The following PDPR variants were observed in gnomAD, a reference collection of about 807,000 sequenced individuals.
PDPR encodes pyruvate dehydrogenase phosphatase regulatory subunit, mitochondrial.
PDPR carries 50 observed loss-of-function variants against 102.2 expected under a neutral mutation model. The observed-to-expected ratio is 0.49, with a 90% CI of 0.39 to 0.62. PDPR has a LOEUF of 0.62. Among genes scored for constraint, PDPR ranks in the 20% least tolerant of loss-of-function variants. The pLI is 0.00. For missense variants in PDPR, 625 were observed against 1,098.2 expected, an observed-to-expected ratio of 0.57 and a Z score of 6.09; for synonymous variants, 259 against 406.0, an observed-to-expected ratio of 0.64 and a Z score of 4.35.
chr16:70,135,424 A>G (rs755279511), intron 9 of PDPR, among the ~76,000 whole-genome samples: 43 of 152,336 alleles, frequency 2.8e-4, no homozygotes, highest in South Asian at 6.2e-4. Context: ...TTTAGTAGAG[A>G]CGAGGCTTCG....
rs372331091 is a variant in PDPR, at chr16:70,142,628, G to A, written c.1547G>A (p.Cys516Tyr). 1.2e-4 allele frequency: 194 copies of A among 1,613,852 alleles called. No homozygotes were observed. Among genetic ancestry groups the A allele is most frequent in the Non-Finnish European group, 1.6e-4 (184 of 1,179,810 alleles). The stretch of plus-strand genomic sequence containing the variant: ...GACATCGTGGAGTCTGAAGTCAAGT[G>A]CTGTAAGGAAGCTGTGTGTGTCATT... ...WFDIVESEVK[C>Y]CKEAVCVIDM... Residue 516 changes from cysteine to tyrosine, a missense_variant, in exon 13 of 19, where the codon TGC becomes TAC. Around this residue, in one of 11 missense-constraint regions of PDPR, gnomAD observed 28 missense variants for 141.2 expected, o/e 0.20. Coordinates refer to ENST00000288050, the MANE Select transcript of PDPR (RefSeq NM_017990.5).
intron 18 of PDPR, 101 bp downstream of exon 18, chr16:70,153,674 G>C (rs1157806645): frequency 3.1e-6 from 4 of 1,272,458 alleles, no homozygotes; most frequent in Non-Finnish European, 4.3e-6. Flanking sequence ...AGGGGGAAAA[G>C]ATTGAGGCCT....
intron 17 of PDPR, 40 bp downstream of exon 17, chr16:70,148,593 TTCCCTTCC>T (rs1405515791): frequency 6.2e-5 from 15 of 242,408 alleles, no homozygotes; most frequent in Non-Finnish European, 8.1e-5. Context: ...TTCACTTCCC[TTCCCTTCC>T]CTTCCCTTCC....
chr16:70,136,986 AC>A (rs1414844920), intron 10 of PDPR, among the ~76,000 whole-genome samples: 2 of 152,152 alleles, frequency 1.3e-5, no homozygotes, highest in Admixed American at 1.3e-4. Context: ...CAAGTGATCC[AC>A]CCACCTTGGC....
At chr16:70,138,342 C>A (rs545628239) in intron 10 of PDPR, among the ~76,000 whole-genome samples, 1 of 152,086 alleles carries the variant, frequency 6.6e-6, no homozygotes, top group East Asian at 1.9e-4. Flanking sequence ...CCTCAGCCTC[C>A]GTAGTAGCTG....
intron 17 of PDPR, among the ~76,000 whole-genome samples, chr16:70,149,639 C>G (rs1014756978): frequency 6.6e-6 from 1 of 152,228 alleles, no homozygotes; most frequent in South Asian, 2.1e-4. Context: ...TTCTTTTTTT[C>G]TTTATTTTTT....
At chr16:70,153,812 A>T (rs905795492) in intron 18 of PDPR, among the ~76,000 whole-genome samples, 2 of 152,296 alleles carry the variant, frequency 1.3e-5, no homozygotes, top group African/African-American at 4.8e-5. Flanking sequence ...TGGGAGGCTG[A>T]GGCGGGTGGA....
intron 10 of PDPR, among the ~76,000 whole-genome samples, chr16:70,137,668 A>C (rs926713531): frequency 1.3e-5 from 2 of 152,276 alleles, no homozygotes; most frequent in Admixed American, 1.3e-4. Context: ...CCACGATGAA[A>C]AGTTTATTTT....
In PDPR at chr16:70,127,410, C is replaced by A. The variant is rs762921874; in HGVS notation, c.361+17C>A. ...TCCAAACAGGTAAGCAAGTGTCTTC[C>A]ATTTATTGCTTTGCCTGTCCCTGAG... On this transcript the variant is annotated intron_variant, in intron 4 of 18. Coordinates refer to ENST00000288050, the MANE Select transcript of PDPR (RefSeq NM_017990.5). 6.2e-7 allele frequency: 1 copy of A among 1,603,106 alleles called. No homozygotes were observed. The highest frequency in any genetic ancestry group is 1.1e-5 in the South Asian group (1 of 89,886).
At chr16:70,122,112 G>C (rs1009961273) in intron 3 of PDPR, among the ~76,000 whole-genome samples, 17 of 152,306 alleles carry the variant, frequency 1.1e-4, no homozygotes, top group African/African-American at 3.8e-4. Context: ...TCAGCCTCCC[G>C]AGTTGCTGGG....
At chr16:70,140,165 G>T (rs1163677620) in intron 11 of PDPR, among the ~76,000 whole-genome samples, 1 of 152,226 alleles carries the variant, frequency 6.6e-6, no homozygotes, top group Non-Finnish European at 1.5e-5. Context: ...GCGAAACCCT[G>T]TCTCTACTAA....
At chr16:70,149,588 G>A (rs1966539587) in intron 17 of PDPR, among the ~76,000 whole-genome samples, 1 of 152,210 alleles carries the variant, frequency 6.6e-6, no homozygotes, top group Non-Finnish European at 1.5e-5. Context: ...TTCTCTTAGA[G>A]CTCTTTCTTT....
intron 10 of PDPR, among the ~76,000 whole-genome samples, chr16:70,138,697 T>TA (rs1193848328): frequency 6.6e-6 from 1 of 152,246 alleles, no homozygotes; most frequent in Non-Finnish European, 1.5e-5. Context: ...TCATCTGGGG[T>TA]AAAATCCTCA....
rs1390906376 is a variant in PDPR, at chr16:70,158,641, C to G, written c.*1762C>G. ...GTTTGGGGGTCTAGTTGTCTTGGAG[C>G]AAGTATGTACTTAACTAGCCGAGAG... On this transcript the variant is annotated 3_prime_UTR_variant, in exon 19 of 19. Coordinates refer to ENST00000288050, the MANE Select transcript of PDPR (RefSeq NM_017990.5). 6.6e-6 allele frequency: 1 copy of G among 152,566 alleles called. No homozygotes were observed. Among genetic ancestry groups the G allele is most frequent in the Non-Finnish European group, 1.5e-5 (1 of 68,286 alleles). 9.5% of individuals were successfully genotyped at this position (152,566 alleles called of 1,614,324 possible).
At chr16:70,128,143 C>A (rs1309787945) in intron 4 of PDPR, among the ~76,000 whole-genome samples, 1 of 152,214 alleles carries the variant, frequency 6.6e-6, no homozygotes, top group African/African-American at 2.4e-5. Flanking sequence ...ATTACACTCC[C>A]CCAAGACTAG....
chr16:70,152,080 C>G (rs1202779458), intron 17 of PDPR, among the ~76,000 whole-genome samples: 1 of 152,270 alleles, frequency 6.6e-6, no homozygotes, highest in Non-Finnish European at 1.5e-5. Context: ...GTACCACATT[C>G]CCTGGAGATG....
chr16:70,121,264 G>T (rs1197820961), intron 3 of PDPR, among the ~76,000 whole-genome samples: 1 of 151,694 alleles, frequency 6.6e-6, no homozygotes, highest in Non-Finnish European at 1.5e-5. Context: ...TTTAGGTCAA[G>T]TATTTTCTGC....
intron 9 of PDPR, among the ~76,000 whole-genome samples, chr16:70,133,488 G>A (rs1964770744): frequency 6.7e-6 from 1 of 148,750 alleles, no homozygotes; most frequent in Non-Finnish European, 1.5e-5. Flanking sequence ...CACAATCTCG[G>A]CTCACTCCAA....
intron 14 of PDPR, among the ~76,000 whole-genome samples, 175 bp downstream of exon 14, chr16:70,143,833 G>A (rs778510404): frequency 1.5e-4 from 22 of 150,126 alleles, no homozygotes; most frequent in Non-Finnish European, 2.7e-4. Flanking sequence ...TCACCAGGAG[G>A]AAAAGAAAAA....
Sources: allele counts gnomAD v4.1 joint callset (sites outside exome capture counted in the v4.1 genomes callset), GRCh38; gene constraint gnomAD v4.1.1; regional missense constraint gnomAD v4.1.1; transcripts MANE v1.5; gene names NCBI Gene and HGNC (gene_info 2026-07-23, HGNC 2026-07-21).